The following DENND1B variants were observed in gnomAD, a reference collection of about 807,000 sequenced individuals.
The protein encoded by DENND1B is DENN domain containing 1B.
A neutral mutation model predicts 90.1 loss-of-function variants in DENND1B; 59 were observed. The observed-to-expected ratio is 0.65, with a 90% CI of 0.53 to 0.81. The LOEUF (loss-of-function observed/expected upper bound fraction) is 0.81, where lower values mean the gene tolerates loss of function less well. DENND1B is among the 40% of genes least tolerant of loss of function. The pLI, the probability that DENND1B is intolerant of heterozygous loss-of-function variation, is 0.00. For synonymous variants in DENND1B, 337 were observed against 324.6 expected (o/e 1.04, Z -0.41); for missense variants, 862 against 912.6 (o/e 0.94, Z 0.71).
chr1:197,727,266 T>TGGCTCACACCTGTA (rs1661724642), intron 2 of DENND1B, among the ~76,000 whole-genome samples: 1 of 152,176 alleles, frequency 6.6e-6, no homozygotes, highest in Non-Finnish European at 1.5e-5. Flanking sequence ...CCGGGCGCAG[T>TGGCTCACACCTGTA]GGCTCACACC....
intron 20 of DENND1B, among the ~76,000 whole-genome samples, chr1:197,536,160 T>TAGATGAGATGAGAGG (rs1669882414): frequency 7.9e-6 from 1 of 126,232 alleles, no homozygotes; most frequent in African/African-American, 3.1e-5. Context: ...GAGAGAGAGA[T>TAGATGAGATGAGAGG]AGATGAGATG....
intron 10 of DENND1B, among the ~76,000 whole-genome samples, chr1:197,637,041 T>A (rs1039890824): frequency 1.3e-5 from 2 of 152,068 alleles, no homozygotes; most frequent in African/African-American, 4.8e-5. Flanking sequence ...AAAATTATAG[T>A]ATGTGAAAAC....
chr1:197,514,045 A>T (rs904074361), intron 20 of DENND1B, among the ~76,000 whole-genome samples: 1 of 151,700 alleles, frequency 6.6e-6, no homozygotes, highest in African/African-American at 2.4e-5. Flanking sequence ...AAGATTCATT[A>T]ATGACTTCAG....
At chr1:197,697,155 A>G (rs1191865360) in intron 3 of DENND1B, among the ~76,000 whole-genome samples, 3 of 151,296 alleles carry the variant, frequency 2.0e-5, no homozygotes. Context: ...AAGTCTGACC[A>G]TGCCCTCTCA....
chr1:197,536,909 C>T (rs531052049), intron 20 of DENND1B, among the ~76,000 whole-genome samples: 63 of 151,870 alleles, frequency 4.1e-4, no homozygotes, highest in Non-Finnish European at 4.0e-4. Context: ...GGCGTGGTGG[C>T]GGGTGCCTGT....
intron 10 of DENND1B, among the ~76,000 whole-genome samples, chr1:197,632,892 A>G (rs970441265): frequency 5.9e-5 from 9 of 152,146 alleles, no homozygotes; most frequent in Admixed American, 5.9e-4. Context: ...GTGCTTCTAC[A>G]TAATAGTTTG....
chr1:197,579,752 A>G (rs1423840902), intron 15 of DENND1B, among the ~76,000 whole-genome samples: 1 of 152,188 alleles, frequency 6.6e-6, no homozygotes, highest in Non-Finnish European at 1.5e-5. Context: ...TTTTTCAAAT[A>G]TATCTTCAGC....
intron 3 of DENND1B, chr1:197,689,396 G>C (rs972165312): frequency 1.3e-5 from 2 of 152,112 alleles, no homozygotes; most frequent in African/African-American, 4.8e-5. Flanking sequence ...CACAACATGT[G>C]GGAATTATGG....
At chr1:197,767,216 T>C (rs1655808630) in intron 2 of DENND1B, among the ~76,000 whole-genome samples, 1 of 152,020 alleles carries the variant, frequency 6.6e-6, no homozygotes, top group African/African-American at 2.4e-5. Context: ...AGGGCAAACA[T>C]ACATTTAGAC....
intron 2 of DENND1B, among the ~76,000 whole-genome samples, chr1:197,751,079 A>G (rs1406461208): frequency 6.6e-6 from 1 of 152,190 alleles, no homozygotes; most frequent in Non-Finnish European, 1.5e-5. Context: ...AGCACTATCA[A>G]TCAACTTTAT....
At chr1:197,627,784 T>A (rs932399282) in intron 10 of DENND1B, among the ~76,000 whole-genome samples, 21 of 152,076 alleles carry the variant, frequency 1.4e-4, no homozygotes, top group African/African-American at 5.1e-4. Flanking sequence ...AAAACCCCAT[T>A]GTCTCAGCCC....
chr1:197,640,718 C>CAT (rs1479445903), intron 10 of DENND1B, among the ~76,000 whole-genome samples: 2 of 152,100 alleles, frequency 1.3e-5, no homozygotes, highest in Admixed American at 1.3e-4. Context: ...TTTTCAAAAA[C>CAT]ATATACTCAG....
chr1:197,580,210 G>T (rs1571955039), intron 15 of DENND1B, among the ~76,000 whole-genome samples: 1 of 141,136 alleles, frequency 7.1e-6, no homozygotes, highest in Admixed American at 7.4e-5. Context: ...TCCTGCTTCA[G>T]CCTCCCAAGT....
chr1:197,589,358 ACAAC>A lies in DENND1B; in HGVS notation c.1047+5846_1047+5849del, dbSNP rs1322575834. ...ATGAGCAGAAAGAAAGTGCCATAAA[ACAAC>A]TTTTATCCATTAAAAAGCCAGATGC... On this transcript the variant is annotated intron_variant, in intron 14 of 22. Coordinates refer to ENST00000620048, the MANE Select transcript of DENND1B (RefSeq NM_001195215.2). Among the ~76,000 whole-genome samples the A allele has an allele frequency of 2.0e-5, 3 of 152,138 alleles. No individual in the cohort carries two copies. The East Asian group carries it at 5.8e-4, about 29-fold the overall frequency.
In DENND1B at chr1:197,510,800, A is replaced by G. The variant is rs769803875; in HGVS notation, c.1988T>C (p.Leu663Pro). ...SSGLTDSLFILKEENSNKHLG... is the reference protein window; with the variant it reads ...SSGLTDSLFIPKEENSNKHLG... ...GTGCTTGTTACTGTTTTCCTCTTTC[A>G]GGATAAACAGAGAATCTGTCAAACC... The change falls in exon 23 of 23, where the codon CTG becomes CCG. Residue 663 changes from leucine (L) to proline (P), a missense_variant. Transcript: ENST00000620048. 2.5e-6 allele frequency: 4 copies of G among 1,612,164 alleles called. No individual in the cohort carries two copies. In the East Asian group the frequency reaches 8.9e-5, roughly 36 times the overall value.
At chr1:197,587,759 C>T (rs1674833337) in intron 14 of DENND1B, among the ~76,000 whole-genome samples, 1 of 152,038 alleles carries the variant, frequency 6.6e-6, no homozygotes, top group South Asian at 2.1e-4. Flanking sequence ...TTATTGTGTA[C>T]TTTATTTATA....
At chr1:197,609,814 A>G (rs1258853881) in intron 12 of DENND1B, among the ~76,000 whole-genome samples, 1 of 150,650 alleles carries the variant, frequency 6.6e-6, no homozygotes, top group African/African-American at 2.4e-5. Context: ...TATTTTAATT[A>G]TTCCTTAAAG....
chr1:197,518,484 A>T (rs1489940710), intron 20 of DENND1B, among the ~76,000 whole-genome samples: 1 of 151,820 alleles, frequency 6.6e-6, no homozygotes, highest in Admixed American at 6.6e-5. Flanking sequence ...AAAACCAGGA[A>T]CCTTAGCAAA....
At chr1:197,689,132 G>T in intron 3 of DENND1B, 1 of 156,744 alleles carries the variant, frequency 6.4e-6, no homozygotes. Flanking sequence ...ACCTGAGACT[G>T]GGTAATTTAT....
Sources: gnomAD v4.1 joint callset for allele counts (sites outside exome capture counted in the v4.1 genomes callset) on GRCh38, gnomAD v4.1.1 for gene constraint, MANE v1.5 for transcripts, NCBI Gene and HGNC (gene_info 2026-07-23, HGNC 2026-07-21) for gene names.